AFG3L2: variants seen among roughly 807,000 people sequenced by gnomAD.
AFG3L2 encodes mitochondrial inner membrane m-AAA protease component AFG3L2.
In AFG3L2, 54 loss-of-function variants were observed where a neutral mutation model predicts 94.5. That is an observed-to-expected ratio of 0.57 (90% CI 0.46 to 0.72). The LOEUF is 0.72. AFG3L2 is among the 30% of genes least tolerant of loss of function. The pLI, the probability that AFG3L2 is intolerant of heterozygous loss-of-function variation, is 0.00. For synonymous variants in AFG3L2, 377 were observed against 365.5 expected, an observed-to-expected ratio of 1.03 and a Z score of -0.36; for missense variants, 754 against 994.9, an observed-to-expected ratio of 0.76 and a Z score of 3.26.
rs139292241 is a variant in AFG3L2, at chr18:12,353,409, G to A, written c.1165-251C>T. Among the ~76,000 whole-genome samples the A allele has an allele frequency of 0.021, 3,184 of 151,562 alleles. 112 individuals carry two copies. Among genetic ancestry groups the A allele is most frequent in the African/African-American group, 0.073 (3,026 of 41,254 alleles). ...CGTGCCTGTGATCCCAGCTACTCAG[G>A]AGGCTGAGGCAGGAGAATCGCTTGA... On this transcript the variant is annotated intron_variant, in intron 9 of 16. Transcript: ENST00000269143.
rs750583908 is a variant in AFG3L2, at chr18:12,377,164, G to C, written c.-82C>G. 8.8e-7 allele frequency: 1 copy of C among 1,132,730 alleles called. No individual in the cohort carries two copies. Among genetic ancestry groups the C allele is most frequent in the South Asian group, 1.5e-5 (1 of 66,694 alleles). The allele number at this position is 1,132,730 out of a possible 1,614,324, so 70.2% of individuals were successfully genotyped here. On this transcript the variant is annotated 5_prime_UTR_variant, in exon 1 of 17. Transcript: ENST00000269143. The stretch of plus-strand genomic sequence containing the variant: ...ACTGGCGGCCTCGGGAAGCGGGCTC[G>C]GCTCGGGGAAAGGCCGCCAGGCAGC...
rs1282089860 is a variant in AFG3L2, at chr18:12,332,932, C to CTATATAATATATAATA, written c.2176-3150_2176-3149insTATTATATATTATATA. Among the ~76,000 whole-genome samples the CTATATAATATATAATA allele has an allele frequency of 1.6e-3, 181 of 113,064 alleles. 1 individual carries two copies. Among genetic ancestry groups the CTATATAATATATAATA allele is most frequent in the African/African-American group, 4.8e-3 (143 of 29,642 alleles). 74.2% of individuals were successfully genotyped at this position (113,064 alleles called of 152,430 possible). A position where few individuals can be genotyped will look rare whatever the true frequency, so the allele number is the denominator to read the frequency against. On this transcript the variant is annotated intron_variant, in intron 16 of 16. Transcript: ENST00000269143. The stretch of plus-strand genomic sequence containing the variant: ...AAATATATATTATATATAACATATA[C>CTATATAATATATAATA]TATATAACATATAATATATTATATA...
chr18:12,342,907 C>T (rs1317192534), intron 14 of AFG3L2: 1 of 152,120 alleles, frequency 6.6e-6, no homozygotes, highest in Non-Finnish European at 1.5e-5. Flanking sequence ...ATCACTGTAG[C>T]TGCACAGTCT....
At chr18:12,374,650 T>C (rs576320236) in intron 1 of AFG3L2, among the ~76,000 whole-genome samples, 6 of 152,148 alleles carry the variant, frequency 3.9e-5, no homozygotes, top group East Asian at 1.9e-4. Context: ...ACAGGGACAA[T>C]AGTGTCACTC....
chr18:12,334,089 T>A (rs1907669307), intron 16 of AFG3L2, among the ~76,000 whole-genome samples: 1 of 152,194 alleles, frequency 6.6e-6, no homozygotes, highest in East Asian at 1.9e-4. Context: ...AGCCCTCAGG[T>A]ACACACTCCC....
In AFG3L2 at chr18:12,371,668, T is replaced by C; in HGVS notation, c.138A>G (p.Gln46=). The C allele has an allele frequency of 1.2e-6, 2 of 1,614,124 alleles. No homozygotes were observed. Among genetic ancestry groups the C allele is most frequent in the South Asian group, 1.1e-5 (1 of 91,086 alleles). ...AAAGAGAATTTCTGCTGGCCCTTGC[T>C]TGAGTTGTAACAAATCGGTAAAGCT... ...LRTLYRFVTT[Q]ARASRNSLLT... is the part of the protein sequence containing the mutation. The change falls in exon 2 of 17, where the codon CAA becomes CAG. Residue 46 remains glutamine, a synonymous_variant. Transcript: ENST00000269143.
chr18:12,356,587 G>T, intron 9 of AFG3L2, 107 bp downstream of exon 9: 1 of 1,505,834 alleles, frequency 6.6e-7, no homozygotes, highest in Non-Finnish European at 9.2e-7. Flanking sequence ...CTGGTGAGAG[G>T]TCACTCTAGC....
rs560543290 is a variant in AFG3L2 at position 12,331,771 on chromosome 18, G to A, written c.2176-1988C>T. Among the ~76,000 whole-genome samples, 8 of 148,828 alleles carry A rather than the reference G, an allele frequency of 5.4e-5. No homozygotes were observed. In the East Asian group the frequency reaches 9.9e-4, roughly 18 times the overall value. On this transcript the variant is annotated intron_variant, in intron 16 of 16. Coordinates refer to ENST00000269143, the MANE Select transcript of AFG3L2 (RefSeq NM_006796.3). ...ATGGAGGCACTGCACTCCAGCCTGG[G>A]CAACAGAGGGAGAGTCTGTCTAAAA...
rs578148830 is a variant in AFG3L2 at position 12,370,858 on chromosome 18, C to G, written c.283G>C (p.Glu95Gln). 1.9e-6 allele frequency: 3 copies of G among 1,581,280 alleles called. No homozygotes were observed. Among genetic ancestry groups the G allele is most frequent in the East Asian group, 2.2e-5 (1 of 44,614 alleles). The part of the protein sequence containing the change: ...KASEPKEVMG[E>Q]KKESKPAATT... ...TATTGTCAAAAGGTACCTTTTTTCT[C>G]TCCCATAACTTCTTTAGGTTCACTA... is the stretch of plus-strand genomic sequence containing the variant. Residue 95 changes from glutamate to glutamine, a missense_variant, in exon 3 of 17, where the codon GAG becomes CAG. Coordinates refer to ENST00000269143, the MANE Select transcript of AFG3L2 (RefSeq NM_006796.3).
chr18:12,362,647 G>C (rs1908694949), intron 6 of AFG3L2, among the ~76,000 whole-genome samples: 1 of 146,560 alleles, frequency 6.8e-6, no homozygotes, highest in Non-Finnish European at 1.5e-5. Context: ...ATCACCCGTA[G>C]GGACGGCACT....
chr18:12,368,343 G>C (rs891468139), intron 3 of AFG3L2, among the ~76,000 whole-genome samples: 4 of 151,964 alleles, frequency 2.6e-5, no homozygotes, highest in African/African-American at 9.7e-5. Flanking sequence ...TGGGCAACAG[G>C]AAGACCTTAT....
chr18:12,340,538 ATC>A, intron 14 of AFG3L2, 137 bp from the exon 15 acceptor site: 1 of 756,058 alleles, frequency 1.3e-6, no homozygotes, highest in Admixed American at 1.9e-5. Context: ...GTGGGATGTG[ATC>A]TAGCAGTGAC....
intron 12 of AFG3L2, 117 bp from the exon 13 acceptor site, chr18:12,348,500 G>C: frequency 1.3e-6 from 1 of 787,580 alleles, no homozygotes; most frequent in Non-Finnish European, 2.2e-6. Context: ...ATGAATAAAG[G>C]TTTTGTGTAA....
At chr18:12,376,834 G>A (rs1598843010) in intron 1 of AFG3L2, 135 bp downstream of exon 1, 1 of 593,888 alleles carries the variant, frequency 1.7e-6, no homozygotes, top group South Asian at 4.2e-5. Context: ...GACAGCGCAG[G>A]GCGCCCAGGC....
intron 13 of AFG3L2, among the ~76,000 whole-genome samples, chr18:12,347,517 C>T (rs1598827317): frequency 6.6e-6 from 1 of 152,010 alleles, no homozygotes; most frequent in East Asian, 1.9e-4. Flanking sequence ...TCCAGCTCTA[C>T]GCCTGTTACA....
At chr18:12,332,981 A>ACT (rs1437198506) in intron 16 of AFG3L2, among the ~76,000 whole-genome samples, 1,995 of 37,134 alleles carry the variant, frequency 0.054, 217 homozygotes, top group East Asian at 0.38. Flanking sequence ...TATATTATAT[A>ACT]AATATATTAT....
At chr18:12,359,047 T>C in intron 7 of AFG3L2, 104 bp from the exon 8 acceptor site, 5 of 1,489,996 alleles carry the variant, frequency 3.4e-6, no homozygotes, top group Non-Finnish European at 4.6e-6. Context: ...CACCAAGGTA[T>C]ACCTTCTGCA....
intron 3 of AFG3L2, among the ~76,000 whole-genome samples, chr18:12,370,404 C>T (rs991987330): frequency 2.0e-5 from 3 of 150,784 alleles, no homozygotes; most frequent in African/African-American, 7.3e-5. Context: ...AACATAAGGT[C>T]TCTAGAATTT....
intron 1 of AFG3L2, among the ~76,000 whole-genome samples, chr18:12,374,552 A>C (rs901015040): frequency 6.6e-6 from 1 of 152,324 alleles, no homozygotes; most frequent in African/African-American, 2.4e-5. Flanking sequence ...AGTATGTATC[A>C]GGACCGCGAA....
Sources: allele counts gnomAD v4.1 joint callset (sites outside exome capture counted in the v4.1 genomes callset), GRCh38; gene constraint gnomAD v4.1.1; transcripts MANE v1.5; gene names NCBI Gene and HGNC (gene_info 2026-07-23, HGNC 2026-07-21).